CNTN5: variants seen among roughly 807,000 people sequenced by gnomAD.
CNTN5 encodes the protein contactin 5.
In CNTN5, 77 loss-of-function variants were observed where a neutral mutation model predicts 129.1. The ratio of observed to expected loss-of-function variants is 0.60; its 90% CI spans 0.50 to 0.72. The LOEUF (loss-of-function observed/expected upper bound fraction) is 0.72. Ranked by LOEUF, CNTN5 falls within the 30% of genes least tolerant of loss-of-function variation. The pLI is 0.00. For synonymous variants in CNTN5, 509 were observed against 465.6 expected (o/e 1.09, Z -1.20); for missense variants, 1,478 against 1,328.8 (o/e 1.11, Z -1.75).
At chr11:99,784,406 G>C (rs1209396722) in intron 3 of CNTN5, among the ~76,000 whole-genome samples, 1 of 151,874 alleles carries the variant, frequency 6.6e-6, no homozygotes, top group East Asian at 2.0e-4. Flanking sequence ...GGTGTTTGGT[G>C]TATGTTCCTG....
intron 16 of CNTN5, among the ~76,000 whole-genome samples, chr11:100,245,326 G>T (rs917201145): frequency 6.6e-6 from 1 of 152,102 alleles, no homozygotes; most frequent in African/African-American, 2.4e-5. Flanking sequence ...ATACAAACTT[G>T]CATCGAACCA....
intron 2 of CNTN5, among the ~76,000 whole-genome samples, chr11:99,354,154 T>G (rs1938485099): frequency 1.3e-5 from 2 of 152,198 alleles, no homozygotes; most frequent in South Asian, 4.1e-4. Context: ...TTTCTCTCAC[T>G]CCACAATTAT....
At chr11:99,380,132 C>T (rs867850850) in intron 2 of CNTN5, among the ~76,000 whole-genome samples, 1 of 150,546 alleles carries the variant, frequency 6.6e-6, no homozygotes, top group African/African-American at 2.4e-5. Flanking sequence ...TAAATAAATG[C>T]TACTCTTGAA....
intron 2 of CNTN5, among the ~76,000 whole-genome samples, chr11:99,338,022 C>A (rs1407501882): frequency 1.3e-5 from 2 of 152,042 alleles, no homozygotes; most frequent in Admixed American, 1.3e-4. Context: ...AATTCATAAA[C>A]TTATTTGTAA....
chr11:99,871,268 C>G (rs565836975), intron 6 of CNTN5, among the ~76,000 whole-genome samples: 1 of 151,840 alleles, frequency 6.6e-6, no homozygotes, highest in Non-Finnish European at 1.5e-5. Context: ...AAATTATAAA[C>G]TAGTAGACAT....
chr11:99,683,706 T>C (rs1953661493), intron 3 of CNTN5, among the ~76,000 whole-genome samples: 1 of 151,866 alleles, frequency 6.6e-6, no homozygotes, highest in Non-Finnish European at 1.5e-5. Context: ...AGTCTATATA[T>C]GAATTTGGAA....
chr11:100,238,820 C>T (rs997269545), intron 16 of CNTN5, among the ~76,000 whole-genome samples: 1 of 152,132 alleles, frequency 6.6e-6, no homozygotes, highest in Non-Finnish European at 1.5e-5. Flanking sequence ...GTGATCTAAG[C>T]TCATTATCTA....
intron 14 of CNTN5, among the ~76,000 whole-genome samples, chr11:100,193,078 A>T (rs1042123017): frequency 6.6e-6 from 1 of 151,910 alleles, no homozygotes; most frequent in Non-Finnish European, 1.5e-5. Context: ...TAAGCAAGTG[A>T]ACCCTCTCTG....
At chr11:99,526,473 G>T (rs139150739) in intron 2 of CNTN5, among the ~76,000 whole-genome samples, 3 of 152,222 alleles carry the variant, frequency 2.0e-5, no homozygotes, top group African/African-American at 7.2e-5. Flanking sequence ...TTTTATGCAA[G>T]AATAGCTCAA....
At chr11:99,816,585 A>C (rs888675186) in intron 3 of CNTN5, among the ~76,000 whole-genome samples, 1 of 152,130 alleles carries the variant, frequency 6.6e-6, no homozygotes, top group Non-Finnish European at 1.5e-5. Context: ...CTTATTTACT[A>C]TTCCCATACG....
chr11:99,939,243 G>C (rs1214721409), intron 7 of CNTN5, among the ~76,000 whole-genome samples: 3 of 151,894 alleles, frequency 2.0e-5, no homozygotes. Context: ...CGTGCAAATT[G>C]CTTCTTCCTC....
chr11:99,178,404 C>T (rs1265730913), intron 1 of CNTN5, among the ~76,000 whole-genome samples: 1 of 150,398 alleles, frequency 6.6e-6, no homozygotes, highest in Non-Finnish European at 1.5e-5. Flanking sequence ...ACCTGTAGTC[C>T]TAGCTATTCA....
chr11:99,404,311 T>A (rs1361210519), intron 2 of CNTN5, among the ~76,000 whole-genome samples: 2 of 151,924 alleles, frequency 1.3e-5, no homozygotes, highest in Non-Finnish European at 2.9e-5. Flanking sequence ...TTTATTCAGC[T>A]TTTGATAGAA....
chr11:99,502,975 A>G (rs1419572486), intron 2 of CNTN5, among the ~76,000 whole-genome samples: 4 of 152,186 alleles, frequency 2.6e-5, no homozygotes, highest in African/African-American at 4.8e-5. Context: ...ATCTTGGGTT[A>G]CAATTTCCCA....
chr11:99,717,048 G>A (rs1955266109), intron 3 of CNTN5, among the ~76,000 whole-genome samples: 1 of 151,822 alleles, frequency 6.6e-6, no homozygotes, highest in South Asian at 2.1e-4. Context: ...TATTCCAATT[G>A]TTTTTCCTTT....
At chr11:99,898,999 T>A (rs1811380146) in intron 6 of CNTN5, among the ~76,000 whole-genome samples, 1 of 152,014 alleles carries the variant, frequency 6.6e-6, no homozygotes, top group African/African-American at 2.4e-5. Flanking sequence ...AACTAAGCTG[T>A]TGAGATCTTA....
intron 3 of CNTN5, among the ~76,000 whole-genome samples, chr11:99,685,595 GTC>G (rs147390775): frequency 0.076 from 11,577 of 151,802 alleles, 638 homozygotes; most frequent in Non-Finnish European, 0.11. Flanking sequence ...CTAATAAAAG[GTC>G]TCTCTATTTC....
chr11:99,889,194 T>C (rs914924733), intron 6 of CNTN5, among the ~76,000 whole-genome samples: 5 of 152,080 alleles, frequency 3.3e-5, no homozygotes, highest in Non-Finnish European at 5.9e-5. Context: ...TATATGGGCA[T>C]TGTCATAACC....
chr11:100,085,906 T>C lies in CNTN5; in HGVS notation c.1580+11612T>C, dbSNP rs766912809. Among the ~76,000 whole-genome samples, 31 of 152,038 alleles carry C rather than the reference T, an allele frequency of 2.0e-4. 1 individual carries two copies. Among genetic ancestry groups the C allele is most frequent in the African/African-American group, 6.5e-4 (27 of 41,422 alleles). ...GATAAGCTTCCTGGGGGAACTGCCATTGAAGTGGTCTTGGAATAGGATTTT... is the reference window on the plus strand; with the variant it reads ...GATAAGCTTCCTGGGGGAACTGCCACTGAAGTGGTCTTGGAATAGGATTTT... On this transcript the variant is annotated intron_variant, in intron 13 of 24. Transcript: ENST00000524871.
Sources: gnomAD v4.1 joint callset for allele counts (sites outside exome capture counted in the v4.1 genomes callset) on GRCh38, gnomAD v4.1.1 for gene constraint, MANE v1.5 for transcripts, NCBI Gene and HGNC (gene_info 2026-07-23, HGNC 2026-07-21) for gene names.